Variants in SLC44A2 observed in about 807,000 individuals in gnomAD.
The protein encoded by SLC44A2 is solute carrier family 44 member 2 (CTL2 blood group).
Under a neutral mutation model 90.8 loss-of-function variants are expected in SLC44A2, and 57 were observed. That is an observed-to-expected ratio of 0.63 (90% CI 0.51 to 0.78). The LOEUF (loss-of-function observed/expected upper bound fraction) is 0.78. Among genes scored for constraint, SLC44A2 ranks in the 30% least tolerant of loss-of-function variants. The pLI is 0.00. For synonymous variants in SLC44A2, 355 were observed against 360.7 expected (o/e 0.98, Z 0.18); for missense variants, 794 against 919.7 (o/e 0.86, Z 1.77).
chr19:10,640,280 G>A lies in SLC44A2; in HGVS notation c.1929+1965G>A, dbSNP rs540452702. Among the ~76,000 whole-genome samples, 39 of 152,012 alleles carry A rather than the reference G, an allele frequency of 2.6e-4. 2 individuals carry two copies. The East Asian group carries it at 7.1e-3, about 28-fold the overall frequency. On this transcript the variant is annotated intron_variant, in intron 20 of 21. Transcript: ENST00000335757. The stretch of plus-strand genomic sequence containing the variant: ...TAATTTTTGTATTTTTAGTAGAGAC[G>A]GGGTTTCACCCTGTTGGTCAGGCTG...
chr19:10,626,745 A>T (rs1269742571), intron 2 of SLC44A2, among the ~76,000 whole-genome samples: 3 of 150,916 alleles, frequency 2.0e-5, no homozygotes, highest in East Asian at 2.0e-4. Context: ...TACCATGTTT[A>T]TATTTATTTA....
intron 21 of SLC44A2, chr19:10,642,933 G>A (rs745387734): frequency 1.4e-5 from 22 of 1,594,964 alleles, no homozygotes; most frequent in African/African-American, 4.0e-5. Flanking sequence ...TCTCAGGAGC[G>A]ACCCTACTTC....
chr19:10,636,932 GC>G, intron 16 of SLC44A2, 176 bp downstream of exon 16: 1 of 647,032 alleles, frequency 1.5e-6, no homozygotes, highest in Non-Finnish European at 2.6e-6. Flanking sequence ...CGATGGAGGA[GC>G]AAACCAGAGA....
At chr19:10,611,570 G>C (rs1918305727) in intron 1 of SLC44A2, among the ~76,000 whole-genome samples, 1 of 147,440 alleles carries the variant, frequency 6.8e-6, no homozygotes, top group African/African-American at 2.7e-5. Context: ...TATAATCCCA[G>C]CTGTTTGTGA....
chr19:10,626,330 C>G (rs369479860), intron 2 of SLC44A2, 29 bp downstream of exon 2: 86 of 1,540,456 alleles, frequency 5.6e-5, no homozygotes, highest in African/African-American at 1.1e-4. Context: ...GGGGGGTTCT[C>G]CCCGCTAATA....
chr19:10,627,581 T>C, intron 2 of SLC44A2, 141 bp from the exon 3 acceptor site: 1 of 728,606 alleles, frequency 1.4e-6, no homozygotes, highest in East Asian at 2.5e-5. Flanking sequence ...TTAAAATGCA[T>C]GTGCCCTTTG....
upstream of SLC44A2, among the ~76,000 whole-genome samples, chr19:10,624,276 G>A (rs1040434995): frequency 1.4e-4 from 21 of 151,488 alleles, no homozygotes; most frequent in African/African-American, 5.1e-4. Context: ...GATTATAGGT[G>A]TTAGCCACCA....
At chr19:10,613,664 T>C (rs1361332473) in intron 1 of SLC44A2, among the ~76,000 whole-genome samples, 2 of 152,030 alleles carry the variant, frequency 1.3e-5, no homozygotes, top group African/African-American at 2.4e-5. Flanking sequence ...CTGGGCAACA[T>C]AGTGAGACCC....
chr19:10,613,308 G>T (rs1918362752), intron 1 of SLC44A2, among the ~76,000 whole-genome samples: 1 of 150,892 alleles, frequency 6.6e-6, no homozygotes, highest in Non-Finnish European at 1.5e-5. Context: ...AGAGTGCAGT[G>T]GCGCAATCTT....
At chr19:10,608,250 A>G (rs867701320) in intron 1 of SLC44A2, among the ~76,000 whole-genome samples, 2 of 149,000 alleles carry the variant, frequency 1.3e-5, no homozygotes, top group Non-Finnish European at 1.5e-5. Context: ...AAGGAGAGAC[A>G]GGGTCTTGCT....
Position 10,636,428 on chromosome 19 carries a change from A to T in SLC44A2, c.1339A>T (p.Ile447Phe). 1.2e-6 allele frequency: 2 copies of T among 1,613,846 alleles called. No homozygotes were observed. The highest frequency in any genetic ancestry group is 2.2e-5 in the South Asian group (2 of 91,066). Residue 447 changes from isoleucine to phenylalanine, a missense_variant, in exon 15 of 22, where the codon ATC becomes TTC. Coordinates refer to ENST00000335757, the MANE Select transcript of SLC44A2 (RefSeq NM_020428.4). ...GYHRALLGLQ[I>F]FNAFMFFWLA... ...CCACCGGGCCCTGCTGGGCCTGCAG[A>T]TCTTCAATGCCTTCATGTTCTTCTG...
chr19:10,611,744 C>T (rs1285016697), intron 1 of SLC44A2, among the ~76,000 whole-genome samples: 2 of 152,032 alleles, frequency 1.3e-5, no homozygotes, highest in Admixed American at 6.6e-5. Flanking sequence ...ATTGCTTGAG[C>T]CTAGGAGGCA....
At chr19:10,627,838 G>C (rs2066950450) in intron 3 of SLC44A2, 43 bp downstream of exon 3, 27 of 1,613,232 alleles carry the variant, frequency 1.7e-5, no homozygotes, top group Non-Finnish European at 2.2e-5. Context: ...AGGGTAGGCG[G>C]AGGCAGCCAT....
chr19:10,609,385 C>T (rs563135524), intron 1 of SLC44A2, among the ~76,000 whole-genome samples: 6 of 152,000 alleles, frequency 3.9e-5, no homozygotes, highest in Admixed American at 2.0e-4. Context: ...CTGCAACCTC[C>T]GCCTCCTGGG....
rs1329453535 is a variant in SLC44A2, at chr19:10,631,951, T to C, written c.710T>C (p.Ile237Thr). 1 of 1,614,196 alleles carries C rather than the reference T, an allele frequency of 6.2e-7. No individual in the cohort carries two copies. Among genetic ancestry groups the C allele is most frequent in the Non-Finnish European group, 8.5e-7 (1 of 1,180,022 alleles). ...ACCGTCTCTTGGTACTGGATTATCA[T>C]GTAAGTCAGGAGGGAAGGGGCCTCT... ...DYTVSWYWII[I>T]GLVIAMAMSL... is the part of the protein sequence containing the mutation. Residue 237 changes from isoleucine to threonine, a missense_variant and splice_region_variant, in exon 9 of 22, where the codon ATA becomes ACA. Physicochemically the swap from Ile to Thr is moderately conservative, Grantham distance 89. Around this residue, in one of 3 missense-constraint regions of SLC44A2, gnomAD observed 738 missense variants for 841.1 expected, o/e 0.88. Transcript: ENST00000335757.
intron 1 of SLC44A2, among the ~76,000 whole-genome samples, chr19:10,612,455 C>T (rs896586421): frequency 2.0e-5 from 3 of 152,176 alleles, no homozygotes; most frequent in African/African-American, 7.2e-5. Flanking sequence ...ATACAGTAGG[C>T]GCTCTATCTT....
intron 4 of SLC44A2, among the ~76,000 whole-genome samples, 170 bp from the exon 5 acceptor site, chr19:10,630,887 C>G (rs571000466): frequency 2.7e-4 from 41 of 151,292 alleles, no homozygotes; most frequent in African/African-American, 8.0e-4. Context: ...CACCTGTAAT[C>G]CCAGCTACTC....
intron 10 of SLC44A2, among the ~76,000 whole-genome samples, chr19:10,634,464 CAAA>C (rs57865437): frequency 4.0e-5 from 4 of 101,106 alleles, no homozygotes; most frequent in Admixed American, 1.0e-4. Flanking sequence ...AACTCCGTCT[CAAA>C]AAAAAAAAAA....
chr19:10,621,339 G>A (rs1439462392), upstream of SLC44A2, among the ~76,000 whole-genome samples: 3 of 149,800 alleles, frequency 2.0e-5, no homozygotes, highest in Non-Finnish European at 3.0e-5. Context: ...GCGACAGAGC[G>A]AGACTCTGCC....
Sources: allele counts gnomAD v4.1 joint callset (sites outside exome capture counted in the v4.1 genomes callset), GRCh38; gene constraint gnomAD v4.1.1; regional missense constraint gnomAD v4.1.1; transcripts MANE v1.5; gene names NCBI Gene and HGNC (gene_info 2026-07-23, HGNC 2026-07-21).